Variants in SVEP1 observed in about 807,000 individuals in gnomAD.
SVEP1 encodes sushi, von Willebrand factor type A, EGF and pentraxin domain-containing protein 1.
Under a neutral mutation model 367.3 loss-of-function variants are expected in SVEP1, and 164 were observed. That is an observed-to-expected ratio of 0.45 (90% CI 0.39 to 0.51). SVEP1 has a LOEUF of 0.51. Among genes scored for constraint, SVEP1 ranks in the 20% least tolerant of loss-of-function variants. The pLI is 0.00. For synonymous variants in SVEP1, 1,666 were observed against 1,611.6 expected (o/e 1.03, Z -0.81); for missense variants, 4,117 against 4,425.3 (o/e 0.93, Z 1.98).
chr9:110,470,605 G>C (rs1296911900), intron 16 of SVEP1, among the ~76,000 whole-genome samples: 1 of 151,492 alleles, frequency 6.6e-6, no homozygotes, highest in East Asian at 1.9e-4. Flanking sequence ...GCTAATTTTT[G>C]GGGTATTTTT....
chr9:110,451,054 A>G (rs1828685577), intron 23 of SVEP1, among the ~76,000 whole-genome samples: 1 of 152,102 alleles, frequency 6.6e-6, no homozygotes, highest in Non-Finnish European at 1.5e-5. Flanking sequence ...CACACACACC[A>G]CATACACAAA....
intron 3 of SVEP1, among the ~76,000 whole-genome samples, chr9:110,534,951 T>A (rs561486385): frequency 6.6e-6 from 1 of 152,304 alleles, no homozygotes; most frequent in Admixed American, 6.5e-5. Flanking sequence ...GCAAATATTT[T>A]CTCTCATTCT....
intron 14 of SVEP1, among the ~76,000 whole-genome samples, chr9:110,473,916 T>C (rs1829059628): frequency 6.6e-6 from 1 of 152,244 alleles, no homozygotes; most frequent in Non-Finnish European, 1.5e-5. Context: ...TGTATGAATA[T>C]GATTTTTTCC....
At chr9:110,450,511 C>G (rs1237084247) in intron 23 of SVEP1, among the ~76,000 whole-genome samples, 1 of 140,976 alleles carries the variant, frequency 7.1e-6, no homozygotes. Flanking sequence ...GCTCTCTCTC[C>G]CAGTCTGGAG....
intron 26 of SVEP1, 115 bp downstream of exon 26, chr9:110,445,722 G>T: frequency 9.0e-7 from 1 of 1,114,146 alleles, no homozygotes; most frequent in Non-Finnish European, 1.3e-6. Context: ...TTGACACCCT[G>T]CTGTTTTCTG....
At chr9:110,497,658 A>G (rs1444602049) in intron 7 of SVEP1, among the ~76,000 whole-genome samples, 1 of 152,278 alleles carries the variant, frequency 6.6e-6, no homozygotes, top group Non-Finnish European at 1.5e-5. Context: ...AGCAAGCAAC[A>G]AATTAAAGCC....
chr9:110,413,613 T>C (rs1027734988), intron 36 of SVEP1, among the ~76,000 whole-genome samples: 7 of 152,016 alleles, frequency 4.6e-5, no homozygotes, highest in African/African-American at 1.5e-4. Flanking sequence ...AATAAATTTT[T>C]CTTAGTAATT....
At chr9:110,538,116 C>T (rs1332867347) in intron 3 of SVEP1, among the ~76,000 whole-genome samples, 1 of 151,912 alleles carries the variant, frequency 6.6e-6, no homozygotes, top group African/African-American at 2.4e-5. Context: ...TGATGCTTCA[C>T]ACCAATAGTC....
intron 1 of SVEP1, among the ~76,000 whole-genome samples, chr9:110,570,503 C>CGTGTGT: frequency 1.1e-5 from 1 of 91,330 alleles, no homozygotes; most frequent in East Asian, 4.2e-4. Flanking sequence ...TGTGTGTAGA[C>CGTGTGT]AGAGTCTTGC....
intron 28 of SVEP1, among the ~76,000 whole-genome samples, chr9:110,435,791 ATAATACCACAAATGTATATG>A (rs1350430599): frequency 6.6e-5 from 10 of 152,234 alleles, no homozygotes; most frequent in African/African-American, 2.4e-4. Context: ...TATGGGCCAA[ATAATACCACAAATGTATATG>A]TAGTATTTTG....
At position 110,458,896 on chromosome 9, in the gene SVEP1, A is replaced by T. The variant is rs552987427; in HGVS notation, c.3484+56T>A. ...ATTCAGAACTGAAGCTACAACAGAG[A>T]CAGGGAAAAGTAAATGTCCAACATA... On this transcript the variant is annotated intron_variant, in intron 19 of 47. Coordinates refer to ENST00000374469, the MANE Select transcript of SVEP1 (RefSeq NM_153366.4). The T allele has an allele frequency of 1.0e-3, 1,634 of 1,571,458 alleles. 2 individuals are homozygous for T. The highest frequency in any genetic ancestry group is 3.2e-3 in the East Asian group (140 of 44,256).
Position 110,579,587 on chromosome 9 carries a change from T to G in SVEP1, c.-44A>C. ...GCTGCCCCGGAGCGCAGGCGGCGGC[T>G]CGGGCGGGAAGAGGCGCTGGGCGGC... On this transcript the variant is annotated 5_prime_UTR_variant, in exon 1 of 48. Transcript: ENST00000374469. The surrounding 1 kb of genome is among the most constrained non-coding windows in gnomAD (Gnocchi z 5.3). 6.6e-7 allele frequency: 1 copy of G among 1,520,898 alleles called. No homozygotes were observed. The highest frequency in any genetic ancestry group is 1.3e-5 in the South Asian group (1 of 79,800). 94.2% of individuals were successfully genotyped at this position (1,520,898 alleles called of 1,614,324 possible). A position where few individuals can be genotyped will look rare whatever the true frequency, so the allele number is the denominator to read the frequency against.
chr9:110,382,842 G>A lies in SVEP1; in HGVS notation c.10237+3056C>T, dbSNP rs552282330. Among the ~76,000 whole-genome samples, 7 of 152,162 alleles carry A rather than the reference G, an allele frequency of 4.6e-5. No individual in the cohort carries two copies. The East Asian group carries it at 1.4e-3, about 29-fold the overall frequency. On this transcript the variant is annotated intron_variant, in intron 43 of 47. Coordinates refer to ENST00000374469, the MANE Select transcript of SVEP1 (RefSeq NM_153366.4). ...AACTCTAAAATTCTTTCCTCCACTT[G>A]GTCCATTCAGCTATTGATACTTGTT...
intron 18 of SVEP1, among the ~76,000 whole-genome samples, chr9:110,460,414 A>G (rs1409064473): frequency 6.6e-6 from 1 of 152,200 alleles, no homozygotes; most frequent in Non-Finnish European, 1.5e-5. Flanking sequence ...ATCATGTACT[A>G]TAAGTTTTCT....
intron 43 of SVEP1, among the ~76,000 whole-genome samples, chr9:110,385,679 G>T (rs1344644916): frequency 7.1e-6 from 1 of 140,400 alleles, no homozygotes; most frequent in Non-Finnish European, 1.5e-5. Flanking sequence ...TTGAAAATCT[G>T]TTCAGGTGGG....
At chr9:110,375,293 A>T in intron 46 of SVEP1, 75 bp downstream of exon 46, 2 of 1,317,798 alleles carry the variant, frequency 1.5e-6, no homozygotes, top group Non-Finnish European at 2.1e-6. Flanking sequence ...TCTGAGTCTA[A>T]GTCACACTCT....
chr9:110,514,972 C>A (rs1829781712), intron 3 of SVEP1, among the ~76,000 whole-genome samples: 1 of 152,306 alleles, frequency 6.6e-6, no homozygotes, highest in South Asian at 2.1e-4. Context: ...ATCCAACCGA[C>A]AGGAACTAGG....
intron 1 of SVEP1, among the ~76,000 whole-genome samples, chr9:110,572,936 T>G (rs770872470): frequency 1.1e-4 from 16 of 152,138 alleles, no homozygotes; most frequent in South Asian, 4.2e-4. Context: ...CACTTATACT[T>G]CTAAAGTTCT....
intron 5 of SVEP1, 111 bp downstream of exon 5, chr9:110,512,815 G>T: frequency 3.2e-6 from 4 of 1,243,260 alleles, no homozygotes; most frequent in Middle Eastern, 3.7e-4. Flanking sequence ...TCTGTAGTAT[G>T]GGGTCTATGA....
Sources: gnomAD v4.1 joint callset for allele counts (sites outside exome capture counted in the v4.1 genomes callset) on GRCh38, gnomAD v4.1.1 for gene constraint, Gnocchi (gnomAD v3.1) non-coding constraint, MANE v1.5 for transcripts, NCBI Gene and HGNC (gene_info 2026-07-23, HGNC 2026-07-21) for gene names.